Variants in NALF1 observed in about 807,000 individuals in gnomAD.
NALF1 encodes the protein NALCN channel auxiliary factor 1.
Under a neutral mutation model 48.4 loss-of-function variants are expected in NALF1, and 3 were observed. The ratio of observed to expected loss-of-function variants is 0.06; its 90% CI spans 0.03 to 0.16. The LOEUF (loss-of-function observed/expected upper bound fraction) is 0.16, where lower values mean the gene tolerates loss of function less well. Among genes scored for constraint, NALF1 ranks in the 10% least tolerant of loss-of-function variants. The pLI, the probability that NALF1 is intolerant of heterozygous loss-of-function variation, is 1.00. For missense variants in NALF1, 526 were observed against 571.5 expected, an observed-to-expected ratio of 0.92 and a Z score of 0.81; for synonymous variants, 262 against 245.7, an observed-to-expected ratio of 1.07 and a Z score of -0.62.
Position 107,587,202 on chromosome 13 carries a change from C to T in NALF1, c.915+278480G>A, listed in dbSNP as rs1334539329. 3.9e-5 allele frequency among the ~76,000 whole-genome samples: 6 copies of T among 152,188 alleles called. No homozygotes were observed. The East Asian group carries it at 7.8e-4, about 20-fold the overall frequency. On this transcript the variant is annotated intron_variant, in intron 1 of 2. Transcript: ENST00000375915. ...AGGTGTAGGACAGTCAGGAAGGGAACACAGACCTCTCACAAGGCTTATAAG... is the reference window on the plus strand; with the variant it reads ...AGGTGTAGGACAGTCAGGAAGGGAATACAGACCTCTCACAAGGCTTATAAG...
chr13:107,663,126 T>C (rs906014931), intron 1 of NALF1, among the ~76,000 whole-genome samples: 3 of 152,220 alleles, frequency 2.0e-5, no homozygotes, highest in African/African-American at 7.2e-5. Flanking sequence ...GTTGGTACTA[T>C]ATAACTATCA....
chr13:107,752,353 CAAAT>C (rs1368043998), intron 1 of NALF1, among the ~76,000 whole-genome samples: 4 of 151,956 alleles, frequency 2.6e-5, no homozygotes, highest in South Asian at 4.2e-4. Context: ...ATTTAATTAA[CAAAT>C]AAAGACTGTA....
At chr13:107,775,921 T>C (rs1239545382) in intron 1 of NALF1, among the ~76,000 whole-genome samples, 2 of 152,212 alleles carry the variant, frequency 1.3e-5, no homozygotes, top group African/African-American at 4.8e-5. Context: ...GGTTTACTCT[T>C]ATGCACCTGG....
chr13:107,633,822 T>C (rs887006324), intron 1 of NALF1, among the ~76,000 whole-genome samples: 2 of 147,818 alleles, frequency 1.4e-5, no homozygotes, highest in Non-Finnish European at 3.0e-5. Flanking sequence ...ATACATATCC[T>C]GTTTTACCAA....
chr13:107,295,332 A>G (rs1162854173), intron 1 of NALF1, among the ~76,000 whole-genome samples: 1 of 152,162 alleles, frequency 6.6e-6, no homozygotes, highest in African/African-American at 2.4e-5. Context: ...ATTATTTTTT[A>G]TGGCTGTGTA....
intron 1 of NALF1, among the ~76,000 whole-genome samples, chr13:107,847,677 G>A (rs1880208855): frequency 6.6e-6 from 1 of 152,148 alleles, no homozygotes; most frequent in African/African-American, 2.4e-5. Context: ...CAGCTCGCAG[G>A]GAGCAGGATT....
chr13:107,719,660 C>T (rs1474791918), intron 1 of NALF1, among the ~76,000 whole-genome samples: 1 of 152,078 alleles, frequency 6.6e-6, no homozygotes, highest in Non-Finnish European at 1.5e-5. Flanking sequence ...TGTGCCTGTC[C>T]TCTGAATATC....
chr13:107,842,811 A>G (rs1230548562), intron 1 of NALF1, among the ~76,000 whole-genome samples: 4 of 152,096 alleles, frequency 2.6e-5, no homozygotes, highest in Non-Finnish European at 5.9e-5. Flanking sequence ...CTCTTTGGAA[A>G]AACTTGAGAG....
chr13:107,435,799 A>AG (rs147744522), intron 1 of NALF1, among the ~76,000 whole-genome samples: 3 of 143,432 alleles, frequency 2.1e-5, no homozygotes, highest in Non-Finnish European at 3.0e-5. Flanking sequence ...GCGGCGGGGG[A>AG]GGGGGGGAAG....
intron 1 of NALF1, among the ~76,000 whole-genome samples, chr13:107,718,021 C>T (rs1428252463): frequency 6.6e-6 from 1 of 152,186 alleles, no homozygotes; most frequent in Non-Finnish European, 1.5e-5. Context: ...ATAAAACTGG[C>T]TTTGGCTTTT....
intron 1 of NALF1, among the ~76,000 whole-genome samples, chr13:107,858,925 ATACT>A (rs1355163513): frequency 6.6e-6 from 1 of 152,222 alleles, no homozygotes; most frequent in African/African-American, 2.4e-5. Context: ...GTAAGAGTTA[ATACT>A]TAATAATGAT....
intron 1 of NALF1, among the ~76,000 whole-genome samples, chr13:107,591,178 A>G (rs1277145499): frequency 1.3e-5 from 2 of 152,040 alleles, no homozygotes; most frequent in Non-Finnish European, 2.9e-5. Context: ...CAAGTAATAA[A>G]AAGAAACAGT....
chr13:107,198,832 T>C (rs1879447993), intron 2 of NALF1, among the ~76,000 whole-genome samples: 1 of 152,206 alleles, frequency 6.6e-6, no homozygotes, highest in African/African-American at 2.4e-5. Flanking sequence ...GATCATCTTC[T>C]TCCTACATCT....
chr13:107,420,018 G>T (rs2139008003), intron 1 of NALF1, among the ~76,000 whole-genome samples: 1 of 152,210 alleles, frequency 6.6e-6, no homozygotes, highest in South Asian at 2.1e-4. Context: ...AAGTGACTCT[G>T]GGTTTAAACT....
chr13:107,385,564 AAAAAAAAAAAAAAC>A (rs1419899975), intron 1 of NALF1, among the ~76,000 whole-genome samples: 5 of 28,604 alleles, frequency 1.7e-4, no homozygotes, highest in African/African-American at 4.4e-4. Flanking sequence ...AAAAAAAAAA[AAAAAAAAAAAAAAC>A]AAAGAAAAGA....
chr13:107,797,796 A>T (rs1048217270), intron 1 of NALF1, among the ~76,000 whole-genome samples: 3 of 152,032 alleles, frequency 2.0e-5, no homozygotes, highest in Non-Finnish European at 4.4e-5. Flanking sequence ...AAAAAAAAAA[A>T]TTTTATCAAT....
chr13:107,746,404 T>G (rs1399250155), intron 1 of NALF1, among the ~76,000 whole-genome samples: 1 of 152,178 alleles, frequency 6.6e-6, no homozygotes, highest in Non-Finnish European at 1.5e-5. Context: ...ATATATATAT[T>G]GTGTTGGAGA....
chr13:107,818,110 T>C (rs916201396), intron 1 of NALF1, among the ~76,000 whole-genome samples: 1 of 152,170 alleles, frequency 6.6e-6, no homozygotes, highest in Non-Finnish European at 1.5e-5. Flanking sequence ...CTGTCTTCTC[T>C]GGTATATGAT....
In NALF1 at chr13:107,561,862, G is replaced by C. The variant is rs1594130500; in HGVS notation, c.915+303820C>G. Among the ~76,000 whole-genome samples, 3 of 152,134 alleles carry C rather than the reference G, an allele frequency of 2.0e-5. No individual in the cohort carries two copies. The South Asian group carries it at 6.2e-4, about 31-fold the overall frequency. On this transcript the variant is annotated intron_variant, in intron 1 of 2. Transcript: ENST00000375915. Reference sequence around the variant, plus strand: ...TTCTCAAAGGCAGAGACAACATATTGCTAGCCGTTAACGTGCTCAATGTTA... The same window carrying C: ...TTCTCAAAGGCAGAGACAACATATTCCTAGCCGTTAACGTGCTCAATGTTA...
Sources: gnomAD v4.1 joint callset for allele counts (sites outside exome capture counted in the v4.1 genomes callset) on GRCh38, gnomAD v4.1.1 for gene constraint, MANE v1.5 for transcripts, NCBI Gene and HGNC (gene_info 2026-07-23, HGNC 2026-07-21) for gene names.